The following SPPL2B variants were observed in gnomAD, a reference collection of about 807,000 sequenced individuals.
The protein encoded by SPPL2B is signal peptide peptidase like 2B.
In SPPL2B, 39 loss-of-function variants were observed where a neutral mutation model predicts 59.7. That is an observed-to-expected ratio of 0.65 (90% CI 0.51 to 0.85). The LOEUF is 0.85. Ranked by LOEUF, SPPL2B falls within the 40% of genes least tolerant of loss-of-function variation. The pLI, the probability that SPPL2B is intolerant of heterozygous loss-of-function variation, is 0.00. For missense variants in SPPL2B, 865 were observed against 849.0 expected, an observed-to-expected ratio of 1.02 and a Z score of -0.23; for synonymous variants, 419 against 370.8, an observed-to-expected ratio of 1.13 and a Z score of -1.49.
chr19:2,354,614 C>T lies in SPPL2B; in HGVS notation c.*1405C>T, dbSNP rs1475539842. ...GATCCCTTACAAAAAATACCAGCTT[C>T]CCAGGGAGTAATGGCGCCTTCACTG... is the stretch of plus-strand genomic sequence containing the variant. On this transcript the variant is annotated 3_prime_UTR_variant, in exon 15 of 15. Coordinates refer to ENST00000613503, the MANE Select transcript of SPPL2B (RefSeq NM_152988.3). 1 of 152,264 alleles carries T rather than the reference C, an allele frequency of 6.6e-6. No homozygotes were observed. Among genetic ancestry groups the T allele is most frequent in the East Asian group, 1.9e-4 (1 of 5,202 alleles). 9.4% of individuals were successfully genotyped at this position (152,264 alleles called of 1,614,324 possible).
intron 13 of SPPL2B, among the ~76,000 whole-genome samples, chr19:2,347,125 C>CCA (rs1195336301): frequency 6.6e-6 from 1 of 151,420 alleles, no homozygotes; most frequent in Non-Finnish European, 1.5e-5. Context: ...CTCTCTCCCT[C>CCA]CACACACACT....
intron 8 of SPPL2B, chr19:2,341,707 G>A (rs1318770402): frequency 4.8e-6 from 2 of 418,506 alleles, no homozygotes; most frequent in East Asian, 7.4e-5. Flanking sequence ...GCAGAAGGAA[G>A]ATGTGAAAAT....
At position 2,332,720 on chromosome 19, in the gene SPPL2B, C is replaced by T. The variant is rs936187205; in HGVS notation, c.67-1882C>T. On this transcript the variant is annotated intron_variant, in intron 1 of 14. Coordinates refer to ENST00000613503, the MANE Select transcript of SPPL2B (RefSeq NM_152988.3). The surrounding 1 kb of genome is among the most constrained non-coding windows in gnomAD (Gnocchi z 4.6). ...GGGTGGGTCTCCTTGGTCCCTGGCACGTGGTTTTTCTTCTGGGACCCCTCC... is the reference window on the plus strand; with the variant it reads ...GGGTGGGTCTCCTTGGTCCCTGGCATGTGGTTTTTCTTCTGGGACCCCTCC... Among the ~76,000 whole-genome samples, 1 of 152,138 alleles carries T rather than the reference C, an allele frequency of 6.6e-6. No homozygotes were observed. Among genetic ancestry groups the T allele is most frequent in the Admixed American group, 6.5e-5 (1 of 15,284 alleles).
At chr19:2,336,792 G>GT (rs1568432369) in intron 2 of SPPL2B, among the ~76,000 whole-genome samples, 1 of 147,866 alleles carries the variant, frequency 6.8e-6, no homozygotes, top group African/African-American at 2.5e-5. Flanking sequence ...CCTGGCTGTG[G>GT]GTGTGTGTGT....
At position 2,339,894 on chromosome 19, in the gene SPPL2B, G is replaced by A. The variant is rs1420588320; in HGVS notation, c.670G>A (p.Val224Met). The A allele has an allele frequency of 3.1e-6, 5 of 1,587,452 alleles. No homozygotes were observed. Among genetic ancestry groups the A allele is most frequent in the East Asian group, 4.6e-5 (2 of 43,526 alleles). ...GGACGAGGCGGTGGACGTGACGCCG[G>A]TGATGACCTGCGTGTTTGTGGTGAT... ...QEDEAVDVTP[V>M]MTCVFVVMCC... Residue 224 changes from valine to methionine, a missense_variant, in exon 6 of 15, where the codon GTG (valine) becomes ATG (methionine). Physicochemically the swap from Val to Met is conservative, Grantham distance 21. Transcript: ENST00000613503.
rs1051543604 is a variant in SPPL2B, at chr19:2,332,779, C to T, written c.67-1823C>T. Among the ~76,000 whole-genome samples the T allele has an allele frequency of 6.6e-6, 1 of 152,180 alleles. No individual in the cohort carries two copies. The highest frequency in any genetic ancestry group is 2.4e-5 in the African/African-American group (1 of 41,446). On this transcript the variant is annotated intron_variant, in intron 1 of 14. Transcript: ENST00000613503. The surrounding 1 kb of genome is among the most constrained non-coding windows in gnomAD (Gnocchi z 4.6). ...CAGGCCGGGCTCCCCTGGGGGCCCA[C>T]ACTGAGGGTCTGCAGTGTGGCACAG...
chr19:2,340,867 G>T (rs1190123541), intron 7 of SPPL2B, 31 bp from the exon 8 acceptor site: 2 of 1,415,826 alleles, frequency 1.4e-6, no homozygotes, highest in East Asian at 2.3e-5. Flanking sequence ...GGAGCTGGTG[G>T]GCTTGGCTCT....
At position 2,354,020 on chromosome 19, in the gene SPPL2B, GC is replaced by G. The variant is rs1467061024; in HGVS notation, c.*814del. 2 of 152,134 alleles carry G rather than the reference GC, an allele frequency of 1.3e-5. No individual in the cohort carries two copies. The highest frequency in any genetic ancestry group is 4.8e-5 in the African/African-American group (2 of 41,426). 9.4% of individuals were successfully genotyped at this position (152,134 alleles called of 1,614,324 possible). Reference sequence around the variant, plus strand: ...GTGGGCGCCAGGCAGGCTGGGTCAGGCCCTCAGGGGTCCCTGGAGCCCTGGG... The same window carrying G: ...GTGGGCGCCAGGCAGGCTGGGTCAGGCCTCAGGGGTCCCTGGAGCCCTGGG... On this transcript the variant is annotated 3_prime_UTR_variant, in exon 15 of 15. Coordinates refer to ENST00000613503, the MANE Select transcript of SPPL2B (RefSeq NM_152988.3).
intron 8 of SPPL2B, 189 bp from the exon 9 acceptor site, chr19:2,343,022 C>A: frequency 3.3e-6 from 2 of 598,198 alleles, no homozygotes; most frequent in Non-Finnish European, 6.0e-6. Context: ...TGCCGCCAGC[C>A]CTGCTGGAGT....
intron 14 of SPPL2B, 145 bp downstream of exon 14, chr19:2,351,739 T>C (rs1045030404): frequency 1.1e-5 from 11 of 1,027,036 alleles, no homozygotes; most frequent in South Asian, 3.2e-5. Context: ...TTGGGTGTCA[T>C]GCGCGTGAGG....
chr19:2,340,994 C>T lies in SPPL2B; in HGVS notation c.936C>T (p.Gly312=), dbSNP rs200016219. 230 of 1,604,284 alleles carry T rather than the reference C, an allele frequency of 1.4e-4. No homozygotes were observed. The highest frequency in any genetic ancestry group is 8.7e-4 in the Admixed American group (52 of 59,984). The change falls in exon 8 of 15, where the codon GGC becomes GGT. Residue 312 remains glycine, a synonymous_variant. Transcript: ENST00000613503. ...LFCVAVSVVW[G]VFRNEDQWAW... is the part of the protein sequence containing the mutation. ...GCGTGGCCGTCAGCGTGGTGTGGGG[C>T]GTCTTCCGCAACGAGGACCAGTAAG...
intron 7 of SPPL2B, chr19:2,340,508 A>C: frequency 1.7e-6 from 1 of 591,764 alleles, no homozygotes; most frequent in South Asian, 1.6e-5. Flanking sequence ...CCTGGCTCTT[A>C]GGGGTAAAGG....
intron 10 of SPPL2B, 43 bp from the exon 11 acceptor site, chr19:2,344,319 C>G (rs529501229): frequency 8.8e-7 from 1 of 1,140,902 alleles, no homozygotes; most frequent in Admixed American, 2.1e-5. Context: ...CCTGCCCCCC[C>G]ACCCCATCAC....
chr19:2,345,028 G>A (rs1360264508), intron 12 of SPPL2B, among the ~76,000 whole-genome samples: 3 of 152,134 alleles, frequency 2.0e-5, no homozygotes, highest in African/African-American at 4.8e-5. Context: ...CCTGCCAGGT[G>A]TGTCTGCCTG....
rs772368389 is a variant in SPPL2B, at chr19:2,344,019, A to C, written c.1093A>C (p.Ile365Leu). The change falls in exon 10 of 15, where the codon ATC (isoleucine) becomes CTC (leucine). Residue 365 changes from isoleucine to leucine, a missense_variant. Physicochemically the swap from Ile to Leu is conservative, Grantham distance 5. Transcript: ENST00000613503. ...LFLYDIFFVF[I>L]TPFLTKSGSS... The stretch of plus-strand genomic sequence containing the variant: ...CCTCTACGACATCTTCTTCGTGTTC[A>C]TCACGCCCTTCCTGACCAAGGTAGG... The C allele has an allele frequency of 1.3e-6, 2 of 1,547,766 alleles. No homozygotes were observed. Among genetic ancestry groups the C allele is most frequent in the South Asian group, 1.2e-5 (1 of 83,970 alleles).
intron 2 of SPPL2B, among the ~76,000 whole-genome samples, chr19:2,335,040 G>A (rs1968485303): frequency 6.6e-6 from 1 of 151,942 alleles, no homozygotes; most frequent in Admixed American, 6.5e-5. Flanking sequence ...AGGAGTAACA[G>A]CAGAGGGCAC....
chr19:2,344,769 G>A, intron 12 of SPPL2B, 117 bp downstream of exon 12: 1 of 722,062 alleles, frequency 1.4e-6, no homozygotes. Flanking sequence ...AAGCCCTGAG[G>A]GTCAGAGTCG....
intron 13 of SPPL2B, 103 bp downstream of exon 13, chr19:2,345,433 C>T (rs1252635183): frequency 1.1e-6 from 1 of 949,452 alleles, no homozygotes; most frequent in African/African-American, 1.6e-5. Context: ...CCAACCCTAA[C>T]CCTAATTCCA....
At chr19:2,333,345 G>T (rs1968390665) in intron 1 of SPPL2B, among the ~76,000 whole-genome samples, 1 of 151,746 alleles carries the variant, frequency 6.6e-6, no homozygotes, top group Admixed American at 6.6e-5. Flanking sequence ...AGGTGGGGAT[G>T]GCAGGTGCGG....
Sources: gnomAD v4.1 joint callset for allele counts (sites outside exome capture counted in the v4.1 genomes callset) on GRCh38, gnomAD v4.1.1 for gene constraint, Gnocchi (gnomAD v3.1) non-coding constraint, MANE v1.5 for transcripts, NCBI Gene and HGNC (gene_info 2026-07-23, HGNC 2026-07-21) for gene names.